ATCAY: variants seen among roughly 807,000 people sequenced by gnomAD.
The protein encoded by ATCAY is caytaxin.
A neutral mutation model predicts 47.7 loss-of-function variants in ATCAY; 22 were observed. That is an observed-to-expected ratio of 0.46 (90% CI 0.33 to 0.66). The LOEUF (loss-of-function observed/expected upper bound fraction) is 0.66. ATCAY is among the 30% of genes least tolerant of loss of function. The probability of loss-of-function intolerance (pLI) is 0.02; values close to 1 mark genes in which losing one functional copy is unlikely to be tolerated. For missense variants in ATCAY, 452 were observed against 515.0 expected (o/e 0.88, Z 1.18); for synonymous variants, 216 against 207.6 (o/e 1.04, Z -0.35).
At chr19:3,895,716 C>CTTTTTTTTTTTTTTTT (rs537910730) in intron 2 of ATCAY, among the ~76,000 whole-genome samples, 2 of 129,672 alleles carry the variant, frequency 1.5e-5, no homozygotes, top group Non-Finnish European at 1.6e-5. Context: ...CTTTTCTTTT[C>CTTTTTTTTTTTTTTTT]TTTTTTTTTT....
intron 8 of ATCAY, among the ~76,000 whole-genome samples, chr19:3,911,803 G>C (rs151001610): frequency 6.6e-6 from 1 of 152,068 alleles, no homozygotes; most frequent in African/African-American, 2.4e-5. Flanking sequence ...TGGGATGAGC[G>C]AAAGAGACGA....
chr19:3,917,140 A>G (rs895085829), intron 9 of ATCAY, among the ~76,000 whole-genome samples: 42 of 151,840 alleles, frequency 2.8e-4, no homozygotes, highest in African/African-American at 9.6e-4. Flanking sequence ...AAATGCATCT[A>G]TGGGCCAGGT....
intron 3 of ATCAY, 87 bp from the exon 4 acceptor site, chr19:3,905,347 T>C: frequency 5.2e-6 from 7 of 1,340,358 alleles, no homozygotes; most frequent in Non-Finnish European, 6.1e-6. Flanking sequence ...TCCTGCATGA[T>C]GAAACAGCTT....
chr19:3,909,707 C>T (rs2038906656), intron 7 of ATCAY, 90 bp downstream of exon 7: 3 of 1,508,062 alleles, frequency 2.0e-6, no homozygotes, highest in Non-Finnish European at 2.7e-6. Flanking sequence ...AATCCCAGCA[C>T]TTCGGGAGGC....
At chr19:3,887,697 A>C (rs989300146) in intron 2 of ATCAY, among the ~76,000 whole-genome samples, 2 of 150,070 alleles carry the variant, frequency 1.3e-5, no homozygotes. Flanking sequence ...CATGTTAGCC[A>C]GGATGGTCTC....
At chr19:3,899,467 C>T (rs2038797069) in intron 2 of ATCAY, among the ~76,000 whole-genome samples, 1 of 151,924 alleles carries the variant, frequency 6.6e-6, no homozygotes, top group South Asian at 2.1e-4. Context: ...GCACGCACCA[C>T]CACGCCCAGA....
chr19:3,901,864 G>A (rs1023923131), intron 2 of ATCAY, among the ~76,000 whole-genome samples: 7 of 152,034 alleles, frequency 4.6e-5, no homozygotes, highest in East Asian at 1.9e-4. Context: ...GCATGGTAGC[G>A]GGCACCTGTA....
chr19:3,906,663 G>T (rs1219807392), intron 4 of ATCAY, among the ~76,000 whole-genome samples: 1 of 152,068 alleles, frequency 6.6e-6, no homozygotes. Context: ...GCAGAACGTG[G>T]CTTTCATCAG....
Position 3,925,091 on chromosome 19 carries a change from C to T in ATCAY, c.*499C>T, listed in dbSNP as rs115537554. ...CCTCAGACCTAGAAGCTCAACCCCC[C>T]TATGAGGGCCACGTCCTGGGGTAGC... On this transcript the variant is annotated 3_prime_UTR_variant, in exon 13 of 13. Coordinates refer to ENST00000450849, the MANE Select transcript of ATCAY (RefSeq NM_033064.5). This position sits in a 1 kb window ranked among gnomAD's most constrained non-coding sequence, Gnocchi z 4.4. 2,748 of 156,068 alleles carry T rather than the reference C, an allele frequency of 0.018. 83 individuals are homozygous for T. Among genetic ancestry groups the T allele is most frequent in the African/African-American group, 0.063 (2,624 of 41,556 alleles). The allele number at this position is 156,068 out of a possible 1,614,324, so 9.7% of individuals were successfully genotyped here. A position where few individuals can be genotyped will look rare whatever the true frequency, so the allele number is the denominator to read the frequency against.
At position 3,915,128 on chromosome 19, in the gene ATCAY, G is replaced by A. The variant is rs146756460; in HGVS notation, c.965+1272G>A. 6.6e-5 allele frequency among the ~76,000 whole-genome samples: 10 copies of A among 152,146 alleles called. No individual in the cohort carries two copies. The South Asian group carries it at 1.2e-3, about 19-fold the overall frequency. ...ATTTTTTTATTGTGGTAAAATACAC[G>A]TAACATAGAACTTCCCATCTTAGCC... On this transcript the variant is annotated intron_variant, in intron 9 of 12. Coordinates refer to ENST00000450849, the MANE Select transcript of ATCAY (RefSeq NM_033064.5).
At chr19:3,895,716 CTTTT>C (rs537910730) in intron 2 of ATCAY, among the ~76,000 whole-genome samples, 1 of 129,666 alleles carries the variant, frequency 7.7e-6, no homozygotes. Flanking sequence ...CTTTTCTTTT[CTTTT>C]TTTTTTTTTT....
intron 4 of ATCAY, among the ~76,000 whole-genome samples, chr19:3,905,985 A>T (rs2038857017): frequency 6.6e-6 from 1 of 152,010 alleles, no homozygotes. Flanking sequence ...ATCCTGGCTG[A>T]CACAGTGAAA....
In ATCAY at chr19:3,902,456, G is replaced by A. The variant is rs758314365; in HGVS notation, c.78-31G>A. 1.4e-5 allele frequency: 22 copies of A among 1,559,010 alleles called. No individual in the cohort carries two copies. The African/African-American group carries it at 1.5e-4, about 11-fold the overall frequency. On this transcript the variant is annotated intron_variant, in intron 2 of 12. Coordinates refer to ENST00000450849, the MANE Select transcript of ATCAY (RefSeq NM_033064.5). ...TCTGCCTGAATCTCTGGTGCCCGGC[G>A]ACTGATGCCTGTTCCTGGATGGGTC...
chr19:3,897,186 A>C (rs1347931375), intron 2 of ATCAY, among the ~76,000 whole-genome samples: 1 of 151,508 alleles, frequency 6.6e-6, no homozygotes, highest in African/African-American at 2.4e-5. Context: ...ATCAGCCTGC[A>C]ATTTTGCAGC....
intron 2 of ATCAY, among the ~76,000 whole-genome samples, chr19:3,902,135 A>C (rs111711398): frequency 0.026 from 3,989 of 152,256 alleles, 80 homozygotes; most frequent in South Asian, 0.051. Context: ...CAACATAGTG[A>C]GACCCCATCT....
Position 3,909,605 on chromosome 19 carries a change from T to C in ATCAY, c.767T>C (p.Met256Thr). 6.3e-7 allele frequency: 1 copy of C among 1,597,990 alleles called. No homozygotes were observed. The highest frequency in any genetic ancestry group is 8.5e-7 in the Non-Finnish European group (1 of 1,172,404). ...GGCTGGCTGAAGAAGTGCTACCAGA[T>C]GATCGACCGGAGGTGAGGTGGGGAT... ...GIGWLKKCYQMIDRRLRKNLK... is the reference protein window; with the variant it reads ...GIGWLKKCYQTIDRRLRKNLK... The change falls in exon 7 of 13, where the codon ATG (methionine) becomes ACG (threonine). Residue 256 changes from methionine to threonine, a missense_variant. Physicochemically the swap from Met to Thr is moderately conservative, Grantham distance 81 (BLOSUM62 -1). Transcript: ENST00000450849.
intron 2 of ATCAY, among the ~76,000 whole-genome samples, chr19:3,897,772 G>T (rs1339093958): frequency 6.6e-6 from 1 of 152,022 alleles, no homozygotes; most frequent in Non-Finnish European, 1.5e-5. Context: ...GCTGAGCATG[G>T]TGGTGGGCGC....
At chr19:3,912,956 GGAAGGGAAA>G (rs1403723659) in intron 8 of ATCAY, among the ~76,000 whole-genome samples, 2 of 151,408 alleles carry the variant, frequency 1.3e-5, no homozygotes, top group East Asian at 2.0e-4. Flanking sequence ...ATTCAGGATT[GGAAGGGAAA>G]GAAGGGAAAG....
chr19:3,909,969 G>A (rs1351814151), intron 7 of ATCAY, among the ~76,000 whole-genome samples: 2 of 152,090 alleles, frequency 1.3e-5, no homozygotes, highest in Non-Finnish European at 2.9e-5. Flanking sequence ...CATGCCTGTA[G>A]TCCCAGCTAC....
Sources: gnomAD v4.1 joint callset for allele counts (sites outside exome capture counted in the v4.1 genomes callset) on GRCh38, gnomAD v4.1.1 for gene constraint, Gnocchi (gnomAD v3.1) non-coding constraint, MANE v1.5 for transcripts, NCBI Gene and HGNC (gene_info 2026-07-23, HGNC 2026-07-21) for gene names.